Variants in EDAR observed in about 807,000 individuals in gnomAD.
EDAR encodes tumor necrosis factor receptor superfamily member EDAR.
Under a neutral mutation model 51.3 loss-of-function variants are expected in EDAR, and 38 were observed. The ratio of observed to expected loss-of-function variants is 0.74; its 90% CI spans 0.57 to 0.97. EDAR has a LOEUF of 0.97. Ranked by LOEUF, EDAR falls within the 50% of genes least tolerant of loss-of-function variation. The pLI is 0.00. For missense variants in EDAR, 528 were observed against 595.0 expected (o/e 0.89, Z 1.17); for synonymous variants, 227 against 242.1 (o/e 0.94, Z 0.58).
intron 4 of EDAR, among the ~76,000 whole-genome samples, chr2:108,923,803 G>T (rs879905738): frequency 6.6e-6 from 1 of 152,220 alleles, no homozygotes; most frequent in South Asian, 2.1e-4. Flanking sequence ...CCCCCCAGGG[G>T]TCACACCAAC....
chr2:108,975,081 T>G (rs890412350), intron 1 of EDAR, among the ~76,000 whole-genome samples: 4 of 152,204 alleles, frequency 2.6e-5, no homozygotes, highest in African/African-American at 9.6e-5. Flanking sequence ...CCACGGAGCC[T>G]AGCCCCAAGT....
chr2:108,898,987 G>A (rs1696652864), intron 11 of EDAR, among the ~76,000 whole-genome samples: 1 of 152,108 alleles, frequency 6.6e-6, no homozygotes, highest in African/African-American at 2.4e-5. Flanking sequence ...GAGGAGAAGA[G>A]AGTGGGACTA....
chr2:108,943,424 A>C (rs1697647522), intron 1 of EDAR, among the ~76,000 whole-genome samples: 1 of 152,212 alleles, frequency 6.6e-6, no homozygotes, highest in African/African-American at 2.4e-5. Context: ...GATACAGATT[A>C]AACTGCAATC....
intron 1 of EDAR, among the ~76,000 whole-genome samples, chr2:108,945,122 T>C (rs1167165265): frequency 6.6e-6 from 1 of 152,096 alleles, no homozygotes; most frequent in East Asian, 1.9e-4. Context: ...TGCCTGTCCG[T>C]GAGGCAGCTC....
At chr2:108,971,173 T>C (rs1053514750) in intron 1 of EDAR, among the ~76,000 whole-genome samples, 1 of 152,188 alleles carries the variant, frequency 6.6e-6, no homozygotes, top group African/African-American at 2.4e-5. Context: ...GCTACATGTT[T>C]TCCGTCTCCA....
intron 5 of EDAR, among the ~76,000 whole-genome samples, chr2:108,920,757 A>G (rs1446157468): frequency 6.6e-6 from 1 of 152,188 alleles, no homozygotes; most frequent in African/African-American, 2.4e-5. Flanking sequence ...ATTTCTCCTC[A>G]GGGTTATTTG....
intron 1 of EDAR, among the ~76,000 whole-genome samples, chr2:108,988,527 T>C (rs1290460787): frequency 2.6e-5 from 4 of 152,090 alleles, no homozygotes; most frequent in African/African-American, 9.7e-5. Context: ...GAAGGTCTCT[T>C]AGGTCACAGC....
chr2:108,937,523 G>C (rs745931255), intron 1 of EDAR, among the ~76,000 whole-genome samples: 1 of 152,048 alleles, frequency 6.6e-6, no homozygotes, highest in African/African-American at 2.4e-5. Flanking sequence ...ATGTGTAAGT[G>C]TAGGTGAGTG....
intron 1 of EDAR, among the ~76,000 whole-genome samples, chr2:108,967,190 C>T (rs1177738383): frequency 6.6e-6 from 1 of 152,212 alleles, no homozygotes; most frequent in Non-Finnish European, 1.5e-5. Context: ...CTGCCTTGGC[C>T]TCCCAAAGTG....
chr2:108,977,968 A>C (rs1698354414), intron 1 of EDAR, among the ~76,000 whole-genome samples: 1 of 152,218 alleles, frequency 6.6e-6, no homozygotes, highest in Non-Finnish European at 1.5e-5. Context: ...GATGCAGATG[A>C]AACTCCTCAG....
chr2:108,899,941 G>A (rs527955798), intron 11 of EDAR, among the ~76,000 whole-genome samples: 11 of 151,842 alleles, frequency 7.2e-5, no homozygotes, highest in East Asian at 3.9e-4. Flanking sequence ...AGCCGAGATC[G>A]TGTCACTGCT....
chr2:108,955,638 G>A (rs543695371), intron 1 of EDAR, among the ~76,000 whole-genome samples: 7 of 151,308 alleles, frequency 4.6e-5, no homozygotes, highest in East Asian at 3.9e-4. Context: ...CCCAGGAGGC[G>A]GAGGTTGCAG....
chr2:108,905,698 TAAG>T (rs751438166), intron 11 of EDAR, among the ~76,000 whole-genome samples: 7 of 152,110 alleles, frequency 4.6e-5, no homozygotes, highest in Non-Finnish European at 7.4e-5. Flanking sequence ...TTGGGGTTAA[TAAG>T]AAGGTAATTT....
At chr2:108,982,211 CCTCT>C (rs1281487567) in intron 1 of EDAR, among the ~76,000 whole-genome samples, 1 of 152,210 alleles carries the variant, frequency 6.6e-6, no homozygotes, top group African/African-American at 2.4e-5. Context: ...AATGCAGTGG[CCTCT>C]CTAACAAAGA....
Position 108,910,855 on chromosome 2 carries a change from G to C in EDAR, c.656-5C>G, listed in dbSNP as rs1393336446. The C allele has an allele frequency of 1.2e-6, 2 of 1,614,126 alleles. No individual in the cohort carries two copies. Among genetic ancestry groups the C allele is most frequent in the African/African-American group, 1.3e-5 (1 of 75,044 alleles). On this transcript the variant is annotated splice_polypyrimidine_tract_variant and splice_region_variant and intron_variant, in intron 7 of 11. Coordinates refer to ENST00000258443, the MANE Select transcript of EDAR (RefSeq NM_022336.4). ...CCGGGTGGCTGGTGCAACAGGCTGG[G>C]GAGAGAGGAGGGAGTGAGCAGCCAG... is the stretch of plus-strand genomic sequence containing the variant.
At chr2:108,908,865 C>T (rs559544547) in intron 9 of EDAR, among the ~76,000 whole-genome samples, 6 of 152,256 alleles carry the variant, frequency 3.9e-5, no homozygotes, top group African/African-American at 1.2e-4. Flanking sequence ...ACCCTAGAGA[C>T]AGGGTAATAC....
intron 1 of EDAR, among the ~76,000 whole-genome samples, chr2:108,944,484 CCAA>C (rs1295892305): frequency 1.6e-4 from 25 of 152,314 alleles, no homozygotes; most frequent in Non-Finnish European, 1.0e-4. Flanking sequence ...GGCCATGGAG[CCAA>C]TGCTGTTGCC....
At chr2:108,969,406 G>A (rs981617042) in intron 1 of EDAR, among the ~76,000 whole-genome samples, 10 of 152,154 alleles carry the variant, frequency 6.6e-5, no homozygotes, top group African/African-American at 1.9e-4. Flanking sequence ...AGAGGAGAAC[G>A]ATTAATGAAC....
intron 1 of EDAR, among the ~76,000 whole-genome samples, chr2:108,951,992 G>A (rs551890758): frequency 4.6e-5 from 7 of 152,308 alleles, no homozygotes; most frequent in African/African-American, 1.7e-4. Flanking sequence ...CATGCAGGCA[G>A]GACCAAGAAT....
Sources: gnomAD v4.1 joint callset for allele counts (sites outside exome capture counted in the v4.1 genomes callset) on GRCh38, gnomAD v4.1.1 for gene constraint, MANE v1.5 for transcripts, NCBI Gene and HGNC (gene_info 2026-07-23, HGNC 2026-07-21) for gene names.